SPTLC1: variants seen among roughly 807,000 people sequenced by gnomAD.
SPTLC1 encodes the protein serine palmitoyltransferase 1.
A neutral mutation model predicts 68.9 loss-of-function variants in SPTLC1; 55 were observed. That is an observed-to-expected ratio of 0.80 (90% CI 0.64 to 1.00). SPTLC1 has a LOEUF of 1.00. Among genes scored for constraint, SPTLC1 ranks in the 50% least tolerant of loss-of-function variants. The pLI, the probability that SPTLC1 is intolerant of heterozygous loss-of-function variation, is 0.00. For missense variants in SPTLC1, 449 were observed against 573.1 expected, an observed-to-expected ratio of 0.78 and a Z score of 2.21; for synonymous variants, 197 against 201.6, an observed-to-expected ratio of 0.98 and a Z score of 0.19.
chr9:92,074,963 T>C (rs1834628610), intron 5 of SPTLC1, among the ~76,000 whole-genome samples: 1 of 152,122 alleles, frequency 6.6e-6, no homozygotes, highest in Non-Finnish European at 1.5e-5. Flanking sequence ...ACAACTCACC[T>C]GGACCGTCCT....
In SPTLC1 at chr9:92,032,020, T is replaced by C. The variant is rs7944; in HGVS notation, c.*445A>G. On this transcript the variant is annotated 3_prime_UTR_variant, in exon 15 of 15. Transcript: ENST00000262554. ...TCAATATAAATTTGTACCACATATG[T>C]TGAAGTGTTCCTCTTAGCTTTAATG... 0.054 allele frequency: 21,533 copies of C among 402,286 alleles called. 715 individuals carry two copies. Among genetic ancestry groups the C allele is most frequent in the Middle Eastern group, 0.074 (112 of 1,514 alleles). The allele number at this position is 402,286 out of a possible 1,614,324, so 24.9% of individuals were successfully genotyped here.
chr9:92,099,829 AT>A (rs1835681047), intron 3 of SPTLC1, among the ~76,000 whole-genome samples: 1 of 152,050 alleles, frequency 6.6e-6, no homozygotes, highest in Admixed American at 6.6e-5. Flanking sequence ...CACAAATACC[AT>A]TTTACTACAA....
intron 7 of SPTLC1, 62 bp from the exon 8 acceptor site, chr9:92,055,556 A>G: frequency 6.7e-7 from 1 of 1,494,822 alleles, no homozygotes. Flanking sequence ...GATCTGTTAC[A>G]TATTCCCCAG....
intron 10 of SPTLC1, 107 bp from the exon 11 acceptor site, chr9:92,047,375 G>A (rs893670495): frequency 7.5e-6 from 7 of 935,060 alleles, no homozygotes; most frequent in African/African-American, 1.6e-5. Flanking sequence ...TGTACATGTG[G>A]TGAGGGGGGT....
intron 8 of SPTLC1, chr9:92,051,046 G>A (rs1833689651): frequency 6.1e-6 from 6 of 985,026 alleles, no homozygotes; most frequent in Non-Finnish European, 7.2e-6. Flanking sequence ...CATTAGCACT[G>A]CTTCATTACT....
intron 5 of SPTLC1, among the ~76,000 whole-genome samples, chr9:92,071,337 T>A (rs939380274): frequency 6.6e-6 from 1 of 151,322 alleles, no homozygotes; most frequent in Non-Finnish European, 1.5e-5. Context: ...GAGGCGGAGG[T>A]TGCAGTGAGC....
intron 1 of SPTLC1, among the ~76,000 whole-genome samples, chr9:92,114,593 G>T (rs929984999): frequency 4.0e-5 from 6 of 151,898 alleles, no homozygotes; most frequent in African/African-American, 1.5e-4. Flanking sequence ...AAATTGGCCG[G>T]GCATGGTGGC....
intron 12 of SPTLC1, among the ~76,000 whole-genome samples, chr9:92,042,493 G>A (rs1389246696): frequency 6.6e-6 from 1 of 152,086 alleles, no homozygotes; most frequent in East Asian, 1.9e-4. Flanking sequence ...AAATATAACA[G>A]AAAAGACAAC....
At chr9:92,068,232 A>C in intron 5 of SPTLC1, 134 bp from the exon 6 acceptor site, 1 of 813,012 alleles carries the variant, frequency 1.2e-6, no homozygotes, top group Admixed American at 2.6e-5. Context: ...TTGTTTTTAA[A>C]TGATAGATTA....
At chr9:92,049,442 C>G (rs965690526) in intron 9 of SPTLC1, among the ~76,000 whole-genome samples, 2 of 152,070 alleles carry the variant, frequency 1.3e-5, no homozygotes, top group Non-Finnish European at 2.9e-5. Context: ...CTGTTTGGGA[C>G]TTTAAGAGGT....
chr9:92,061,584 T>C (rs753820160), intron 6 of SPTLC1, among the ~76,000 whole-genome samples: 2 of 152,152 alleles, frequency 1.3e-5, no homozygotes, highest in Non-Finnish European at 2.9e-5. Context: ...AAGTAAAAAA[T>C]ATGGGCAAAT....
intron 3 of SPTLC1, among the ~76,000 whole-genome samples, chr9:92,088,020 G>A (rs139242346): frequency 0.018 from 2,667 of 152,328 alleles, 66 homozygotes; most frequent in African/African-American, 0.06. Context: ...AGCAATCAGC[G>A]AGACTGTGTG....
chr9:92,099,369 G>T (rs1048496970), intron 3 of SPTLC1, among the ~76,000 whole-genome samples: 1 of 152,040 alleles, frequency 6.6e-6, no homozygotes, highest in African/African-American at 2.4e-5. Context: ...GTCTCAAATC[G>T]CCTACAATTA....
chr9:92,041,313 A>G (rs1833343471), intron 12 of SPTLC1, among the ~76,000 whole-genome samples: 1 of 152,236 alleles, frequency 6.6e-6, no homozygotes, highest in Non-Finnish European at 1.5e-5. Flanking sequence ...TAATATATTT[A>G]TTGGAAAATA....
chr9:92,040,722 T>C (rs7028311), intron 12 of SPTLC1, among the ~76,000 whole-genome samples: 7,838 of 149,382 alleles, frequency 0.052, 263 homozygotes, highest in Middle Eastern at 0.064. Flanking sequence ...CGCGCCACTG[T>C]GCTCCAGCCT....
chr9:92,078,286 T>C (rs1258403351), intron 5 of SPTLC1, among the ~76,000 whole-genome samples: 1 of 152,202 alleles, frequency 6.6e-6, no homozygotes, highest in East Asian at 1.9e-4. Flanking sequence ...AACAACCCCA[T>C]AAAATGTGCC....
chr9:92,040,673 G>A (rs975029469), intron 12 of SPTLC1, among the ~76,000 whole-genome samples: 28 of 151,652 alleles, frequency 1.8e-4, no homozygotes, highest in South Asian at 8.3e-4. Flanking sequence ...CAGGAAAATC[G>A]CTTGAATCTG....
At chr9:92,063,258 G>A (rs558503478) in intron 6 of SPTLC1, among the ~76,000 whole-genome samples, 1 of 152,220 alleles carries the variant, frequency 6.6e-6, no homozygotes, top group South Asian at 2.1e-4. Flanking sequence ...ATGTACATCT[G>A]ACAACTTTTA....
At chr9:92,112,673 A>C in intron 1 of SPTLC1, 111 bp from the exon 2 acceptor site, 1 of 692,694 alleles carries the variant, frequency 1.4e-6, no homozygotes, top group East Asian at 2.7e-5. Context: ...GCCTATTCTT[A>C]ACAATTTACT....
Sources: allele counts gnomAD v4.1 joint callset (sites outside exome capture counted in the v4.1 genomes callset), GRCh38; gene constraint gnomAD v4.1.1; transcripts MANE v1.5; gene names NCBI Gene and HGNC (gene_info 2026-07-23, HGNC 2026-07-21).